GRM8: variants seen among roughly 807,000 people sequenced by gnomAD.
GRM8 encodes metabotropic glutamate receptor 8.
GRM8 carries 47 observed loss-of-function variants against 87.2 expected under a neutral mutation model. That is an observed-to-expected ratio of 0.54 (90% CI 0.43 to 0.69). The LOEUF is 0.69. Ranked by LOEUF, GRM8 falls within the 30% of genes least tolerant of loss-of-function variation. The pLI is 0.00. For synonymous variants in GRM8, 396 were observed against 404.5 expected, an observed-to-expected ratio of 0.98 and a Z score of 0.25; for missense variants, 1,019 against 1,139.2, an observed-to-expected ratio of 0.89 and a Z score of 1.52.
intron 9 of GRM8, among the ~76,000 whole-genome samples, chr7:126,519,671 C>G (rs1251657722): frequency 6.6e-6 from 1 of 152,058 alleles, no homozygotes; most frequent in Non-Finnish European, 1.5e-5. Flanking sequence ...GCCATACCAC[C>G]CTGAACGTGC....
At chr7:126,899,282 C>T (rs1484909938) in intron 6 of GRM8, among the ~76,000 whole-genome samples, 1 of 152,138 alleles carries the variant, frequency 6.6e-6, no homozygotes, top group African/African-American at 2.4e-5. Flanking sequence ...CATGTAAGTG[C>T]TTAACTTAAC....
intron 2 of GRM8, among the ~76,000 whole-genome samples, chr7:127,166,781 C>T (rs1479220450): frequency 6.6e-6 from 1 of 152,078 alleles, no homozygotes; most frequent in Non-Finnish European, 1.5e-5. Flanking sequence ...ATGGAGTCCT[C>T]TTATGAAAAT....
intron 3 of GRM8, among the ~76,000 whole-genome samples, chr7:126,983,163 T>G (rs1020862750): frequency 2.0e-5 from 3 of 152,138 alleles, no homozygotes; most frequent in African/African-American, 7.2e-5. Context: ...TGTCTCCTGG[T>G]GTTCCTCCCT....
intron 2 of GRM8, among the ~76,000 whole-genome samples, chr7:127,127,382 C>T (rs1827430713): frequency 6.6e-6 from 1 of 151,930 alleles, no homozygotes; most frequent in Non-Finnish European, 1.5e-5. Context: ...TTGAAAACAA[C>T]CTAAATATCC....
At chr7:127,195,300 T>C (rs1023564722) in intron 2 of GRM8, among the ~76,000 whole-genome samples, 1 of 152,222 alleles carries the variant, frequency 6.6e-6, no homozygotes, top group Non-Finnish European at 1.5e-5. Flanking sequence ...GTTTTCTTTA[T>C]GGAACATGGG....
chr7:126,806,704 G>C (rs1038310166), intron 6 of GRM8, among the ~76,000 whole-genome samples: 5 of 152,234 alleles, frequency 3.3e-5, no homozygotes, highest in Admixed American at 2.6e-4. Context: ...GGCATGCGTC[G>C]CGGGACTTTG....
At chr7:126,676,892 T>G (rs1807015890) in intron 7 of GRM8, among the ~76,000 whole-genome samples, 1 of 152,084 alleles carries the variant, frequency 6.6e-6, no homozygotes. Context: ...CTAAACAGCT[T>G]CTGCATAGCA....
At chr7:126,803,683 T>C (rs1792336944) in intron 6 of GRM8, among the ~76,000 whole-genome samples, 3 of 152,158 alleles carry the variant, frequency 2.0e-5, no homozygotes, top group African/African-American at 4.8e-5. Flanking sequence ...GTAAACAAAG[T>C]CCTTAATTAT....
intron 9 of GRM8, among the ~76,000 whole-genome samples, chr7:126,484,678 T>A (rs1432695114): frequency 6.6e-6 from 1 of 152,104 alleles, no homozygotes; most frequent in Non-Finnish European, 1.5e-5. Context: ...TGATTTTTTT[T>A]AAAGTTATGC....
rs547820396 is a variant in GRM8 at position 126,716,717 on chromosome 7, T to C, written c.1357+53148A>G. On this transcript the variant is annotated intron_variant, in intron 7 of 10. Coordinates refer to ENST00000339582, the MANE Select transcript of GRM8 (RefSeq NM_000845.3). ...CTTTCATTCTCCCTGAGGATGTTTC[T>C]AAGGATCTCTCTACTCTCATGTATG... Among the ~76,000 whole-genome samples the C allele has an allele frequency of 3.3e-5, 5 of 152,326 alleles. No homozygotes were observed. In the East Asian group the frequency reaches 5.8e-4, roughly 18 times the overall value.
At chr7:126,527,015 C>T (rs762424432) in intron 9 of GRM8, among the ~76,000 whole-genome samples, 11 of 152,054 alleles carry the variant, frequency 7.2e-5, no homozygotes, top group African/African-American at 1.2e-4. Flanking sequence ...AATGTGGCAC[C>T]GTTAAAAAGG....
intron 6 of GRM8, among the ~76,000 whole-genome samples, chr7:126,890,687 C>G (rs1000829542): frequency 1.3e-5 from 2 of 151,954 alleles, no homozygotes; most frequent in Non-Finnish European, 2.9e-5. Context: ...TAGTGAAGAG[C>G]TCAGTGTTAA....
intron 8 of GRM8, among the ~76,000 whole-genome samples, chr7:126,544,083 C>T (rs188896433): frequency 6.6e-6 from 1 of 152,270 alleles, no homozygotes; most frequent in Non-Finnish European, 1.5e-5. Flanking sequence ...TCATCCTCCT[C>T]CAAGACATAT....
At chr7:127,038,156 C>G (rs536533788) in intron 3 of GRM8, among the ~76,000 whole-genome samples, 1 of 152,022 alleles carries the variant, frequency 6.6e-6, no homozygotes. Flanking sequence ...TTAAAGGAGA[C>G]GTTGACAGGA....
chr7:127,065,894 T>TA (rs1006302607), intron 3 of GRM8, among the ~76,000 whole-genome samples: 98 of 152,006 alleles, frequency 6.4e-4, no homozygotes, highest in Admixed American at 1.1e-3. Context: ...TCTTTCCCTG[T>TA]AAAAAAAAGA....
chr7:126,579,701 T>C (rs1795436562), intron 8 of GRM8, among the ~76,000 whole-genome samples: 1 of 152,170 alleles, frequency 6.6e-6, no homozygotes, highest in Non-Finnish European at 1.5e-5. Context: ...GTCCATAATT[T>C]GTCAACTGAA....
chr7:126,899,603 A>G lies in GRM8; in HGVS notation c.1156+2939T>C, dbSNP rs551483849. Among the ~76,000 whole-genome samples the G allele has an allele frequency of 3.3e-5, 5 of 152,252 alleles. No individual in the cohort carries two copies. The South Asian group carries it at 1.0e-3, about 32-fold the overall frequency. On this transcript the variant is annotated intron_variant, in intron 6 of 10. Transcript: ENST00000339582. ...ATAGAACTTTCCTCTCTGATTACGT[A>G]TATGTTTGTGTGTACCTTCTTTTCC...
At chr7:126,632,750 G>C (rs1370112871) in intron 7 of GRM8, among the ~76,000 whole-genome samples, 1 of 152,028 alleles carries the variant, frequency 6.6e-6, no homozygotes, top group Non-Finnish European at 1.5e-5. Context: ...GATGGAGCTG[G>C]AAGCCATTAT....
intron 3 of GRM8, among the ~76,000 whole-genome samples, chr7:126,964,007 C>G (rs1054019892): frequency 2.6e-5 from 4 of 152,242 alleles, no homozygotes; most frequent in Non-Finnish European, 5.9e-5. Flanking sequence ...TCAGAAATAA[C>G]ACCAAACATC....
Sources: gnomAD v4.1 joint callset for allele counts (sites outside exome capture counted in the v4.1 genomes callset) on GRCh38, gnomAD v4.1.1 for gene constraint, MANE v1.5 for transcripts, NCBI Gene and HGNC (gene_info 2026-07-23, HGNC 2026-07-21) for gene names.